The following PREP variants were observed in gnomAD, a reference collection of about 807,000 sequenced individuals.
PREP encodes the protein dJ355L5.1 (prolyl endopeptidase).
In PREP, 29 loss-of-function variants were observed where a neutral mutation model predicts 87.6. The ratio of observed to expected loss-of-function variants is 0.33; its 90% CI spans 0.25 to 0.45. The LOEUF is 0.45. PREP is among the 20% of genes least tolerant of loss of function. PREP has a pLI of 1.00. For synonymous variants in PREP, 337 were observed against 328.6 expected (o/e 1.03, Z -0.28); for missense variants, 695 against 886.5 (o/e 0.78, Z 2.74).
intron 2 of PREP, among the ~76,000 whole-genome samples, chr6:105,380,755 G>A (rs6928130): frequency 0.11 from 16,275 of 152,084 alleles, 925 homozygotes; most frequent in Middle Eastern, 0.17. Flanking sequence ...GCTGGCTCCT[G>A]CACTTCCACG....
At chr6:105,285,360 T>C in intron 12 of PREP, 126 bp downstream of exon 12, 1 of 808,872 alleles carries the variant, frequency 1.2e-6, no homozygotes, top group Non-Finnish European at 2.0e-6. Flanking sequence ...ATATCCTTGT[T>C]TTTCATTCGT....
chr6:105,302,502 G>T, intron 10 of PREP: 2 of 369,076 alleles, frequency 5.4e-6, no homozygotes, highest in South Asian at 2.4e-5. Flanking sequence ...CTCCTTCCGC[G>T]GCTGCTGCTT....
chr6:105,316,163 CATA>C (rs1723569190), intron 10 of PREP, among the ~76,000 whole-genome samples: 1 of 152,176 alleles, frequency 6.6e-6, no homozygotes, highest in South Asian at 2.1e-4. Flanking sequence ...CCTCACTAAG[CATA>C]ATAATTTCTA....
At chr6:105,385,519 A>G (rs1772968475) in intron 2 of PREP, among the ~76,000 whole-genome samples, 2 of 152,230 alleles carry the variant, frequency 1.3e-5, no homozygotes, top group African/African-American at 4.8e-5. Context: ...AATTGATCCA[A>G]AAAGAAAGCA....
intron 7 of PREP, among the ~76,000 whole-genome samples, chr6:105,351,123 T>G (rs891178681): frequency 6.6e-6 from 1 of 152,186 alleles, no homozygotes; most frequent in East Asian, 1.9e-4. Flanking sequence ...GCCTCGTTAA[T>G]CAATCAAACA....
intron 10 of PREP, among the ~76,000 whole-genome samples, chr6:105,300,656 A>G (rs930863490): frequency 6.6e-6 from 1 of 152,124 alleles, no homozygotes; most frequent in East Asian, 1.9e-4. Flanking sequence ...AATGGTGTAC[A>G]TTTATATAAA....
intron 10 of PREP, among the ~76,000 whole-genome samples, chr6:105,320,264 C>G (rs1770970839): frequency 6.6e-6 from 1 of 152,130 alleles, no homozygotes; most frequent in Admixed American, 6.5e-5. Context: ...ATCTGTGTTC[C>G]AGATTGGAAG....
intron 7 of PREP, among the ~76,000 whole-genome samples, chr6:105,339,570 C>T (rs1183427167): frequency 2.6e-5 from 4 of 152,090 alleles, no homozygotes; most frequent in African/African-American, 7.2e-5. Context: ...TTCAGATGAT[C>T]GGTAATAACA....
intron 10 of PREP, among the ~76,000 whole-genome samples, chr6:105,289,231 C>T (rs557000909): frequency 1.4e-4 from 22 of 152,272 alleles, no homozygotes; most frequent in African/African-American, 4.6e-4. Context: ...CAGGCCTTCC[C>T]GGGGCACACA....
intron 10 of PREP, among the ~76,000 whole-genome samples, chr6:105,315,513 T>C (rs1327997629): frequency 6.6e-6 from 1 of 152,136 alleles, no homozygotes. Context: ...TTAAGAATGG[T>C]AAATGTGCAC....
intron 10 of PREP, among the ~76,000 whole-genome samples, chr6:105,304,112 T>A (rs1770604163): frequency 6.6e-6 from 1 of 152,212 alleles, no homozygotes; most frequent in Non-Finnish European, 1.5e-5. Context: ...TTGAAAAATT[T>A]TTTTTAAACC....
chr6:105,298,990 A>G (rs532371515), intron 10 of PREP: 2 of 152,374 alleles, frequency 1.3e-5, no homozygotes, highest in Non-Finnish European at 2.9e-5. Context: ...CAGCATAACA[A>G]TATTATTCCA....
chr6:105,358,109 A>G (rs1475157669), intron 6 of PREP, among the ~76,000 whole-genome samples: 1 of 152,112 alleles, frequency 6.6e-6, no homozygotes, highest in East Asian at 1.9e-4. Flanking sequence ...TTCTATTTTA[A>G]ATCTATATTA....
chr6:105,371,646 A>C (rs1326781730), intron 5 of PREP, among the ~76,000 whole-genome samples: 1 of 151,976 alleles, frequency 6.6e-6, no homozygotes, highest in South Asian at 2.1e-4. Flanking sequence ...CTTTCAGGGC[A>C]AGGGAGGGAA....
At chr6:105,323,462 C>G (rs1771069220) in intron 10 of PREP, among the ~76,000 whole-genome samples, 1 of 152,144 alleles carries the variant, frequency 6.6e-6, no homozygotes, top group African/African-American at 2.4e-5. Context: ...GGAGCAGAAC[C>G]TGCAGGCTAT....
intron 2 of PREP, among the ~76,000 whole-genome samples, chr6:105,394,228 G>T (rs970830055): frequency 6.6e-6 from 1 of 152,068 alleles, no homozygotes; most frequent in Non-Finnish European, 1.5e-5. Context: ...CTAAAAGTAG[G>T]AATAACAATG....
At chr6:105,335,817 C>T (rs1200255546) in intron 7 of PREP, among the ~76,000 whole-genome samples, 1 of 151,974 alleles carries the variant, frequency 6.6e-6, no homozygotes, top group South Asian at 2.1e-4. Flanking sequence ...GGCGTGAACC[C>T]GGGAGGCAGA....
intron 10 of PREP, 30 bp downstream of exon 10, chr6:105,323,635 C>G: frequency 1.3e-6 from 2 of 1,558,302 alleles, no homozygotes; most frequent in Non-Finnish European, 8.9e-7. Flanking sequence ...CTTCCTAACT[C>G]TCACATTAAT....
chr6:105,342,145 G>A (rs927552868), intron 7 of PREP, among the ~76,000 whole-genome samples: 4 of 152,130 alleles, frequency 2.6e-5, no homozygotes, highest in Admixed American at 2.0e-4. Flanking sequence ...ATGAAATACT[G>A]GCAAACCGAA....
Sources: gnomAD v4.1 joint callset for allele counts (sites outside exome capture counted in the v4.1 genomes callset) on GRCh38, gnomAD v4.1.1 for gene constraint, MANE v1.5 for transcripts, NCBI Gene and HGNC (gene_info 2026-07-23, HGNC 2026-07-21) for gene names.